The following CD207 variants were observed in gnomAD, a reference collection of about 807,000 sequenced individuals.
The protein encoded by CD207 is C-type lectin domain family 4 member K.
A neutral mutation model predicts 31.6 loss-of-function variants in CD207; 28 were observed. That is an observed-to-expected ratio of 0.89 (90% CI 0.66 to 1.21). The LOEUF (loss-of-function observed/expected upper bound fraction) is 1.21, where lower values mean the gene tolerates loss of function less well. CD207 is among the 50% of genes most tolerant of loss of function. CD207 has a pLI of 0.00. For synonymous variants in CD207, 168 were observed against 153.9 expected (o/e 1.09, Z -0.68); for missense variants, 388 against 397.8 (o/e 0.98, Z 0.21).
downstream of CD207, among the ~76,000 whole-genome samples, chr2:70,827,483 G>A (rs1203783213): frequency 6.6e-6 from 1 of 152,224 alleles, no homozygotes; most frequent in African/African-American, 2.4e-5. Context: ...CTGGAGCCCT[G>A]GCCAGGTGGG....
At chr2:70,834,103 G>T in intron 2 of CD207, 83 bp from the exon 3 acceptor site, 1 of 1,278,236 alleles carries the variant, frequency 7.8e-7, no homozygotes. Context: ...TCAAAGGAAG[G>T]GAAGGAATAG....
chr2:70,827,884 G>A (rs570282393), downstream of CD207, among the ~76,000 whole-genome samples: 1 of 152,140 alleles, frequency 6.6e-6, no homozygotes, highest in East Asian at 1.9e-4. Flanking sequence ...GTCAGTGGGG[G>A]TGATTCAAGT....
Position 70,832,402 on chromosome 2 carries a change from C to T in CD207, c.717+498G>A, listed in dbSNP as rs563451571. Among the ~76,000 whole-genome samples the T allele has an allele frequency of 2.6e-3, 399 of 152,292 alleles. 1 individual carries two copies. The highest frequency in any genetic ancestry group is 9.1e-3 in the African/African-American group (377 of 41,568). ...ATGAAAAGGGCCTGCCCAATTTCTG[C>T]CTCACCAGGCAGGAGACTTCTTGAG... On this transcript the variant is annotated intron_variant, in intron 4 of 5. Coordinates refer to ENST00000410009, the MANE Select transcript of CD207 (RefSeq NM_015717.5).
At chr2:70,825,859 G>C (rs181342484), downstream of CD207, among the ~76,000 whole-genome samples, 4 of 152,094 alleles carry the variant, frequency 2.6e-5, no homozygotes, top group African/African-American at 9.7e-5. Flanking sequence ...AAAGATATTA[G>C]GGATGGCTGG....
In CD207 at chr2:70,835,558, T is replaced by A. The variant is rs1553400868; in HGVS notation, c.123A>T (p.Thr41=). 1 of 1,613,952 alleles carries A rather than the reference T, an allele frequency of 6.2e-7. No individual in the cohort carries two copies. Among genetic ancestry groups the A allele is most frequent in the Admixed American group, 1.7e-5 (1 of 60,024 alleles). The part of the protein sequence containing the change: ...GPSLVPGKTP[T]VRAALICLTL... ...TCAGGCAGATTAATGCAGCACGGACTGTGGGTGTTTTCCCCGGGACCAGAG... is the reference window on the plus strand; with the variant it reads ...TCAGGCAGATTAATGCAGCACGGACAGTGGGTGTTTTCCCCGGGACCAGAG... Residue 41 remains threonine (T), a synonymous_variant, in exon 2 of 6, where the codon ACA becomes ACT. Transcript: ENST00000410009.
At chr2:70,825,002 A>G in the CD207 span, among the ~76,000 whole-genome samples, 1 of 152,190 alleles carries the variant, frequency 6.6e-6, no homozygotes, top group East Asian at 1.9e-4. Context: ...GAGTCAATAA[A>G]CTTGGCAAAC....
chr2:70,832,910 T>A lies in CD207; in HGVS notation c.707A>T (p.Glu236Val). 2.5e-6 allele frequency: 4 copies of A among 1,613,642 alleles called. No individual in the cohort carries two copies. Among genetic ancestry groups the A allele is most frequent in the Non-Finnish European group, 3.4e-6 (4 of 1,179,670 alleles). Residue 236 changes from glutamate to valine, a missense_variant, in exon 4 of 6, where the codon GAG becomes GTG. Transcript: ENST00000410009. The part of the protein sequence containing the change: ...RNSHLTSVTS[E>V]SEQEFLYKTA... ...AGGCACAGCACTCACCTGCTCACTC[T>A]CTGAGGTCACCGAGGTCAGGTGTGA...
At chr2:70,825,990 A>T (rs1227856634), downstream of CD207, among the ~76,000 whole-genome samples, 4 of 91,902 alleles carry the variant, frequency 4.4e-5, no homozygotes, top group South Asian at 3.5e-4. Context: ...TACTAAAATT[A>T]AAAAAAAATT....
rs1553400841 is a variant in CD207, at chr2:70,835,485, A to G, written c.190+6T>C. The G allele has an allele frequency of 6.3e-7, 1 of 1,598,838 alleles. No homozygotes were observed. Among genetic ancestry groups the G allele is most frequent in the Non-Finnish European group, 8.6e-7 (1 of 1,166,894 alleles). ...TAAGCCCAGACGATGAAACATGAGG[A>G]CTTACAAAGGACGGCCTGCAGCAGG... is the stretch of plus-strand genomic sequence containing the variant. On this transcript the variant is annotated splice_donor_region_variant and intron_variant, in intron 2 of 5. Transcript: ENST00000410009.
chr2:70,831,488 G>C (rs992345456), intron 5 of CD207, among the ~76,000 whole-genome samples: 1 of 152,202 alleles, frequency 6.6e-6, no homozygotes, highest in African/African-American at 2.4e-5. Flanking sequence ...CAGGTAGAAG[G>C]CCTTGTTGCC....
downstream of CD207, among the ~76,000 whole-genome samples, chr2:70,825,281 C>T (rs67993769): frequency 0.6 from 91,563 of 151,604 alleles, 28,092 homozygotes; most frequent in Middle Eastern, 0.71. Context: ...AAGAGGATCC[C>T]AAGGAGACAT....
At chr2:70,824,645 A>AAAAAAAAAAAAAAAAAAAAG in the CD207 span, among the ~76,000 whole-genome samples, 1 of 150,662 alleles carries the variant, frequency 6.6e-6, no homozygotes, top group African/African-American at 2.4e-5. Flanking sequence ...AAAAAAAAAA[A>AAAAAAAAAAAAAAAAAAAAG]ACTGAGGGAA....
At position 70,831,214 on chromosome 2, in the gene CD207, G is replaced by A; in HGVS notation, c.837-14C>T. On this transcript the variant is annotated splice_polypyrimidine_tract_variant and intron_variant, in intron 5 of 5. Coordinates refer to ENST00000410009, the MANE Select transcript of CD207 (RefSeq NM_015717.5). ...GGAATCCAGAACCTACCAAGAGCGG[G>A]GAAAAAGATGGATTTACAAAGTGGA... 6.3e-7 allele frequency: 1 copy of A among 1,588,036 alleles called. No homozygotes were observed. The highest frequency in any genetic ancestry group is 8.6e-7 in the Non-Finnish European group (1 of 1,169,412).
chr2:70,834,448 A>T (rs974657795), intron 2 of CD207, among the ~76,000 whole-genome samples: 1 of 151,774 alleles, frequency 6.6e-6, no homozygotes, highest in African/African-American at 2.4e-5. Context: ...AAACCCCTGC[A>T]GTGGCCATCT....
chr2:70,826,885 A>G (rs542305180), downstream of CD207, among the ~76,000 whole-genome samples: 3 of 152,342 alleles, frequency 2.0e-5, no homozygotes, highest in East Asian at 5.8e-4. Context: ...GTAACAAATC[A>G]TTTGTCACGC....
intron 2 of CD207, among the ~76,000 whole-genome samples, chr2:70,834,712 G>C (rs1053975106): frequency 6.6e-6 from 1 of 152,176 alleles, no homozygotes. Context: ...TAGAGGCCAG[G>C]GGTCTAGGAT....
chr2:70,833,309 A>C (rs1158790706), intron 3 of CD207, among the ~76,000 whole-genome samples: 1 of 152,114 alleles, frequency 6.6e-6, no homozygotes, highest in Non-Finnish European at 1.5e-5. Flanking sequence ...TGAGGAAGCA[A>C]CCCTCCATCG....
In CD207 at chr2:70,830,734, T is replaced by C; in HGVS notation, c.*316A>G. On this transcript the variant is annotated 3_prime_UTR_variant, in exon 6 of 6. Transcript: ENST00000410009. ...TGATGTGATGAAGCTGAGGTTTCTC[T>C]GAAAGAGTGGAAAACCCCAGGGTGT... The C allele has an allele frequency of 4.4e-6, 1 of 225,550 alleles. No homozygotes were observed. Among genetic ancestry groups the C allele is most frequent in the Non-Finnish European group, 8.7e-6 (1 of 115,456 alleles). The allele number at this position is 225,550 out of a possible 1,614,324, so 14.0% of individuals were successfully genotyped here.
chr2:70,831,870 C>T (rs1677483625), intron 4 of CD207, 51 bp from the exon 5 acceptor site: 1 of 1,201,266 alleles, frequency 8.3e-7, no homozygotes, highest in African/African-American at 1.5e-5. Flanking sequence ...GGAGCTTGAT[C>T]ATCTGTCTCT....
Sources: allele counts gnomAD v4.1 joint callset (sites outside exome capture counted in the v4.1 genomes callset), GRCh38; gene constraint gnomAD v4.1.1; transcripts MANE v1.5; gene names NCBI Gene and HGNC (gene_info 2026-07-23, HGNC 2026-07-21).